Variants in PTPRO observed in about 807,000 individuals in gnomAD.
PTPRO encodes the protein protein tyrosine phosphatase receptor type O, also known as receptor-type tyrosine-protein phosphatase O.
PTPRO carries 62 observed loss-of-function variants against 145.2 expected under a neutral mutation model. The ratio of observed to expected loss-of-function variants is 0.43; its 90% confidence interval spans 0.35 to 0.53. The LOEUF is 0.53. Ranked by LOEUF, PTPRO falls within the 20% of genes least tolerant of loss-of-function variation. The pLI is 0.01. For synonymous variants in PTPRO, 565 were observed against 514.7 expected (o/e 1.10, Z -1.32); for missense variants, 1,345 against 1,482.7 (o/e 0.91, Z 1.53).
At chr12:15,565,696 A>G (rs1943881021) in intron 18 of PTPRO, 68 bp downstream of exon 18, 1 of 1,148,474 alleles carries the variant, frequency 8.7e-7, no homozygotes, top group Non-Finnish European at 1.3e-6. Flanking sequence ...CCAATTAAAG[A>G]TTGCTTGTCT....
At chr12:15,437,561 G>T (rs1319033128) in intron 1 of PTPRO, among the ~76,000 whole-genome samples, 1 of 152,164 alleles carries the variant, frequency 6.6e-6, no homozygotes, top group Non-Finnish European at 1.5e-5. Flanking sequence ...GACCCTTTCT[G>T]CTCCATGCTC....
intron 1 of PTPRO, among the ~76,000 whole-genome samples, chr12:15,442,691 C>G (rs143401317): frequency 6.6e-6 from 1 of 152,052 alleles, no homozygotes; most frequent in Non-Finnish European, 1.5e-5. Flanking sequence ...CAGTTTTATA[C>G]ACCAATAGCA....
At chr12:15,410,725 G>A (rs1488530186) in intron 1 of PTPRO, 4 of 152,194 alleles carry the variant, frequency 2.6e-5, no homozygotes, top group Non-Finnish European at 4.4e-5. Context: ...GCTTTAGTCA[G>A]TCTCAAATCC....
chr12:15,553,789 C>T (rs944010959), intron 15 of PTPRO, among the ~76,000 whole-genome samples: 5 of 152,136 alleles, frequency 3.3e-5, no homozygotes, highest in Non-Finnish European at 7.3e-5. Context: ...GCCAGGAATC[C>T]AGGCAAGAGA....
chr12:15,394,365 G>T (rs1466363929), intron 1 of PTPRO, among the ~76,000 whole-genome samples: 1 of 152,014 alleles, frequency 6.6e-6, no homozygotes, highest in African/African-American at 2.4e-5. Flanking sequence ...CTCTTACTGA[G>T]AGGGACTGAG....
chr12:15,375,695 G>A (rs1464106141), intron 1 of PTPRO, among the ~76,000 whole-genome samples: 1 of 147,542 alleles, frequency 6.8e-6, no homozygotes, highest in Non-Finnish European at 1.5e-5. Flanking sequence ...GGCAGAGGTT[G>A]CAATGAGCTG....
At chr12:15,391,772 A>C (rs1939195231) in intron 1 of PTPRO, among the ~76,000 whole-genome samples, 1 of 152,204 alleles carries the variant, frequency 6.6e-6, no homozygotes, top group African/African-American at 2.4e-5. Flanking sequence ...CTCTTTCTAG[A>C]AATTAACACC....
At chr12:15,395,509 T>C (rs1020817312) in intron 1 of PTPRO, among the ~76,000 whole-genome samples, 2 of 152,064 alleles carry the variant, frequency 1.3e-5, no homozygotes, top group Non-Finnish European at 2.9e-5. Flanking sequence ...AGAAGAATGT[T>C]AATGATAAAA....
At chr12:15,487,527 C>G (rs1941914542) in intron 2 of PTPRO, among the ~76,000 whole-genome samples, 1 of 152,290 alleles carries the variant, frequency 6.6e-6, no homozygotes, top group African/African-American at 2.4e-5. Flanking sequence ...AGTTTTCTTG[C>G]TGTCCTCTTA....
At chr12:15,410,847 T>C (rs1939779167) in intron 1 of PTPRO, 1 of 152,146 alleles carries the variant, frequency 6.6e-6, no homozygotes, top group African/African-American at 2.4e-5. Flanking sequence ...TATTTGACAA[T>C]AAAATTGAAA....
chr12:15,483,850 G>A, intron 1 of PTPRO, 124 bp from the exon 2 acceptor site: 1 of 1,023,228 alleles, frequency 9.8e-7, no homozygotes, highest in Non-Finnish European at 1.4e-6. Context: ...AAGAAATAAG[G>A]CTTACCATAA....
chr12:15,555,748 T>C (rs1242361111), intron 15 of PTPRO, among the ~76,000 whole-genome samples: 1 of 152,186 alleles, frequency 6.6e-6, no homozygotes, highest in African/African-American at 2.4e-5. Context: ...CTATGATCCT[T>C]TTTGGCAGTC....
chr12:15,447,995 C>T (rs1940945531), intron 1 of PTPRO, among the ~76,000 whole-genome samples: 1 of 152,054 alleles, frequency 6.6e-6, no homozygotes, highest in Non-Finnish European at 1.5e-5. Flanking sequence ...CTTCTGTTAT[C>T]ATTGAGATAG....
Position 15,580,712 on chromosome 12 carries a change from C to T in PTPRO, c.3013C>T (p.Gln1005Ter). ...TATCTTTCAGGGATACAACTCACCC[C>T]AGGAGTATATTGCCACCCAGGGGCC... is the stretch of plus-strand genomic sequence containing the variant. ...ANYIPGYNSP[Q>*]EYIATQGPLP... The change falls in exon 22 of 27, where the codon CAG (glutamine) becomes TAG (stop). Residue 1005 changes from glutamine (Q) to a stop codon, truncating the protein, a stop_gained. Transcript: ENST00000281171. LOFTEE classifies it high-confidence loss of function. 6.2e-7 allele frequency: 1 copy of T among 1,614,060 alleles called. No individual in the cohort carries two copies. Among genetic ancestry groups the T allele is most frequent in the Non-Finnish European group, 8.5e-7 (1 of 1,179,976 alleles).
intron 25 of PTPRO, among the ~76,000 whole-genome samples, chr12:15,593,855 G>A (rs1228152888): frequency 6.6e-6 from 1 of 152,080 alleles, no homozygotes; most frequent in Non-Finnish European, 1.5e-5. Flanking sequence ...TACATAGATA[G>A]AAAATAATTA....
chr12:15,552,217 T>A (rs1943482534), intron 15 of PTPRO, among the ~76,000 whole-genome samples: 1 of 152,198 alleles, frequency 6.6e-6, no homozygotes, highest in Non-Finnish European at 1.5e-5. Flanking sequence ...GCCTTTGATT[T>A]ATGATTTCAG....
intron 1 of PTPRO, among the ~76,000 whole-genome samples, chr12:15,333,575 C>T (rs1033838536): frequency 2.6e-5 from 4 of 152,116 alleles, no homozygotes; most frequent in African/African-American, 9.7e-5. Flanking sequence ...AGAGGAATAG[C>T]AGGATGCAGG....
intron 8 of PTPRO, among the ~76,000 whole-genome samples, chr12:15,516,540 G>GAT (rs1942598221): frequency 9.8e-6 from 1 of 101,962 alleles, no homozygotes; most frequent in Non-Finnish European, 2.2e-5. Flanking sequence ...AAAGATGAAA[G>GAT]GAGGGAGGGA....
intron 1 of PTPRO, among the ~76,000 whole-genome samples, chr12:15,338,087 G>C (rs1866827961): frequency 6.6e-6 from 1 of 152,148 alleles, no homozygotes; most frequent in South Asian, 2.1e-4. Flanking sequence ...TGCTCTATGA[G>C]ATGTACTAAT....
Sources: allele counts gnomAD v4.1 joint callset (sites outside exome capture counted in the v4.1 genomes callset), GRCh38; gene constraint gnomAD v4.1.1; transcripts MANE v1.5; gene names NCBI Gene and HGNC (gene_info 2026-07-23, HGNC 2026-07-21).